Variants in CFAP96 observed in about 807,000 individuals in gnomAD.
CFAP96 encodes the protein cilia and flagella associated protein 96.
chr4:185,433,201 A>T, the CFAP96 span, among the ~76,000 whole-genome samples: 1 of 152,080 alleles, frequency 6.6e-6, no homozygotes, highest in Non-Finnish European at 1.5e-5. Context: ...GAGACTTAAA[A>T]CGTAATGTTC....
At chr4:185,421,566 C>G in the CFAP96 span, among the ~76,000 whole-genome samples, 1 of 152,184 alleles carries the variant, frequency 6.6e-6, no homozygotes, top group African/African-American at 2.4e-5. Flanking sequence ...ACTGCCCCCT[C>G]CTTTGCCTTC....
chr4:185,432,802 A>G, the CFAP96 span, among the ~76,000 whole-genome samples: 2 of 151,844 alleles, frequency 1.3e-5, no homozygotes, highest in Non-Finnish European at 2.9e-5. Flanking sequence ...GTTTGAGGTT[A>G]CAGTGAGCTA....
chr4:185,422,631 G>T, the CFAP96 span: 23 of 1,056,520 alleles, frequency 2.2e-5, no homozygotes, highest in Non-Finnish European at 3.2e-5. Flanking sequence ...ATATAAATTA[G>T]AATCTAAGTT....
chr4:185,444,876 T>G, the CFAP96 span: 1 of 1,285,914 alleles, frequency 7.8e-7, no homozygotes. Context: ...CTCCACAGAC[T>G]ACAAAAATAT....
chr4:185,428,444 G>A, the CFAP96 span, among the ~76,000 whole-genome samples: 6 of 151,168 alleles, frequency 4.0e-5, no homozygotes, highest in Non-Finnish European at 8.9e-5. Flanking sequence ...ATGGTGGCGC[G>A]TGTCTGTAAT....
chr4:185,428,180 G>C, the CFAP96 span, among the ~76,000 whole-genome samples: 1 of 152,058 alleles, frequency 6.6e-6, no homozygotes, highest in South Asian at 2.1e-4. Flanking sequence ...CCAGTGCTTA[G>C]CTCATAATTG....
At chr4:185,422,482 T>A in the CFAP96 span, 1 of 1,604,324 alleles carries the variant, frequency 6.2e-7, no homozygotes, top group East Asian at 2.2e-5. Flanking sequence ...TCAGAAGACC[T>A]ACCATTAGGA....
the CFAP96 span, among the ~76,000 whole-genome samples, chr4:185,417,456 C>T: frequency 1.3e-5 from 2 of 152,224 alleles, no homozygotes; most frequent in African/African-American, 4.8e-5. Context: ...ACACAAGAAA[C>T]TGATCTTGCC....
At chr4:185,417,273 C>T in the CFAP96 span, among the ~76,000 whole-genome samples, 3 of 152,162 alleles carry the variant, frequency 2.0e-5, no homozygotes, top group Non-Finnish European at 4.4e-5. Flanking sequence ...CTCACCTGTA[C>T]CCCTCAAAAT....
At chr4:185,435,905 G>A in the CFAP96 span, 1 of 608,528 alleles carries the variant, frequency 1.6e-6, no homozygotes, top group Non-Finnish European at 2.7e-6. Context: ...ATCTGTGACT[G>A]AAGAATGAGG....
chr4:185,419,133 TC>T, the CFAP96 span, among the ~76,000 whole-genome samples: 2 of 151,880 alleles, frequency 1.3e-5, no homozygotes, highest in African/African-American at 4.8e-5. Context: ...ACCTCCTACA[TC>T]TTTTCTTTTT....
the CFAP96 span, chr4:185,444,880 A>G: frequency 7.5e-7 from 1 of 1,329,832 alleles, no homozygotes; most frequent in Non-Finnish European, 1.0e-6. Context: ...ACAGACTACA[A>G]AAATATGTAT....
chr4:185,417,441 T>C, the CFAP96 span, among the ~76,000 whole-genome samples: 1 of 152,222 alleles, frequency 6.6e-6, no homozygotes, highest in Non-Finnish European at 1.5e-5. Context: ...CTTCCATCTT[T>C]ACCCACACAA....
At chr4:185,415,485 T>A in the CFAP96 span, 1 of 842,406 alleles carries the variant, frequency 1.2e-6, no homozygotes, top group Non-Finnish European at 1.7e-6. Flanking sequence ...AATTATACAT[T>A]ATAAAAGAAA....
chr4:185,431,567 A>G, the CFAP96 span, among the ~76,000 whole-genome samples: 1 of 152,218 alleles, frequency 6.6e-6, no homozygotes, highest in Non-Finnish European at 1.5e-5. Context: ...TATGCCCCAG[A>G]GAGGAATTGC....
the CFAP96 span, among the ~76,000 whole-genome samples, chr4:185,424,113 G>A: frequency 6.7e-5 from 10 of 149,188 alleles, no homozygotes; most frequent in Non-Finnish European, 1.0e-4. Context: ...ACCAGACTGG[G>A]CAACATAGGA....
At chr4:185,426,167 G>C in the CFAP96 span, 2 of 484,384 alleles carry the variant, frequency 4.1e-6, no homozygotes, top group Non-Finnish European at 3.8e-6. Flanking sequence ...GAATCTCCTC[G>C]TATCCTCCCA....
chr4:185,445,802 T>C, the CFAP96 span, among the ~76,000 whole-genome samples: 1 of 152,212 alleles, frequency 6.6e-6, no homozygotes, highest in African/African-American at 2.4e-5. Flanking sequence ...ATTAGTATTA[T>C]TTCACAAAAA....
the CFAP96 span, chr4:185,445,198 A>C: frequency 5.4e-6 from 7 of 1,294,742 alleles, no homozygotes; most frequent in Non-Finnish European, 6.4e-6. Flanking sequence ...ACTTCTTCAA[A>C]ATAGTATCTT....
Sources: allele counts gnomAD v4.1 joint callset (sites outside exome capture counted in the v4.1 genomes callset), GRCh38; gene constraint gnomAD v4.1.1; transcripts MANE v1.5; gene names NCBI Gene and HGNC (gene_info 2026-07-23, HGNC 2026-07-21).